BMPR1A: variants seen among roughly 807,000 people sequenced by gnomAD.
BMPR1A encodes bone morphogenetic protein receptor type-1A.
Under a neutral mutation model 66.0 loss-of-function variants are expected in BMPR1A, and 7 were observed. The observed-to-expected ratio is 0.11, with a 90% confidence interval of 0.06 to 0.20. The LOEUF (loss-of-function observed/expected upper bound fraction) is 0.20, where lower values mean the gene tolerates loss of function less well. Ranked by LOEUF, BMPR1A falls within the 10% of genes least tolerant of loss-of-function variation. The pLI is 1.00. For synonymous variants in BMPR1A, 200 were observed against 229.7 expected (o/e 0.87, Z 1.17); for missense variants, 408 against 669.1 (o/e 0.61, Z 4.31).
At chr10:86,894,354 C>A (rs1564716172) in intron 5 of BMPR1A, among the ~76,000 whole-genome samples, 1 of 152,266 alleles carries the variant, frequency 6.6e-6, no homozygotes, top group Non-Finnish European at 1.5e-5. Flanking sequence ...ACAGTTGTTA[C>A]ATACTTGTCT....
intron 1 of BMPR1A, among the ~76,000 whole-genome samples, chr10:86,827,017 A>G (rs1434969507): frequency 6.6e-6 from 1 of 152,058 alleles, no homozygotes; most frequent in Non-Finnish European, 1.5e-5. Context: ...TATAATGTAT[A>G]TATCCATTTT....
intron 5 of BMPR1A, among the ~76,000 whole-genome samples, chr10:86,895,272 C>G (rs1304998735): frequency 2.0e-5 from 3 of 152,082 alleles, no homozygotes; most frequent in African/African-American, 7.2e-5. Context: ...GCACGGTGGC[C>G]CCAGCCTGTA....
At chr10:86,905,366 C>T (rs1843370819) in intron 7 of BMPR1A, among the ~76,000 whole-genome samples, 1 of 152,206 alleles carries the variant, frequency 6.6e-6, no homozygotes. Context: ...GCCCCCATAA[C>T]ACTTACTAAT....
intron 1 of BMPR1A, among the ~76,000 whole-genome samples, chr10:86,791,748 C>G (rs1422586325): frequency 2.3e-5 from 3 of 129,724 alleles, no homozygotes; most frequent in Non-Finnish European, 3.2e-5. Flanking sequence ...CTCCCTCCCT[C>G]TTGCTCTGTT....
At chr10:86,928,851 A>G, downstream of BMPR1A, 1 of 151,424 alleles carries the variant, frequency 6.6e-6, no homozygotes, top group Non-Finnish European at 1.5e-5. Context: ...ATGCGGTTTC[A>G]CCATGTTGGC....
At chr10:86,854,778 T>C in intron 2 of BMPR1A, 1 of 245,910 alleles carries the variant, frequency 4.1e-6, no homozygotes, top group Non-Finnish European at 8.7e-6. Context: ...ATTTAACTTT[T>C]CAGTTTCTTT....
chr10:86,899,522 C>A (rs1843274883), intron 5 of BMPR1A, among the ~76,000 whole-genome samples: 1 of 152,162 alleles, frequency 6.6e-6, no homozygotes, highest in Non-Finnish European at 1.5e-5. Context: ...ATGTACCAGA[C>A]CAGTTTATGA....
chr10:86,848,836 A>G (rs1293250669), intron 2 of BMPR1A, among the ~76,000 whole-genome samples: 1 of 152,190 alleles, frequency 6.6e-6, no homozygotes, highest in Non-Finnish European at 1.5e-5. Context: ...GGAACCACCT[A>G]TGACAACTGC....
At chr10:86,773,542 G>A (rs1392781728) in intron 1 of BMPR1A, among the ~76,000 whole-genome samples, 2 of 146,064 alleles carry the variant, frequency 1.4e-5, no homozygotes, top group Non-Finnish European at 3.0e-5. Flanking sequence ...GCAGTGAGCC[G>A]AGATCACGCC....
intron 1 of BMPR1A, among the ~76,000 whole-genome samples, chr10:86,787,882 G>GCC (rs34964359): frequency 0.02 from 2,971 of 149,378 alleles, 76 homozygotes; most frequent in African/African-American, 0.055. Flanking sequence ...GGGGAAATCT[G>GCC]CCCCCCCCCA....
chr10:86,873,487 A>G (rs901222627), intron 2 of BMPR1A, among the ~76,000 whole-genome samples: 1 of 151,946 alleles, frequency 6.6e-6, no homozygotes, highest in Non-Finnish European at 1.5e-5. Flanking sequence ...TAAATTAATA[A>G]GTGAAAATTT....
At chr10:86,784,547 G>GT (rs1484116900) in intron 1 of BMPR1A, among the ~76,000 whole-genome samples, 2 of 152,054 alleles carry the variant, frequency 1.3e-5, no homozygotes, top group African/African-American at 4.8e-5. Context: ...TGTTTCTTCA[G>GT]TTTTTTTGGT....
intron 2 of BMPR1A, among the ~76,000 whole-genome samples, chr10:86,862,219 G>A (rs1243476237): frequency 6.6e-6 from 1 of 152,172 alleles, no homozygotes; most frequent in Non-Finnish European, 1.5e-5. Flanking sequence ...CATGGGGATG[G>A]GATTACAGTT....
intron 1 of BMPR1A, among the ~76,000 whole-genome samples, chr10:86,771,958 T>G (rs1463066542): frequency 1.3e-5 from 2 of 151,832 alleles, no homozygotes; most frequent in African/African-American, 4.8e-5. Flanking sequence ...CTTTACTGAT[T>G]TTGTTTTTCC....
chr10:86,837,289 C>T (rs1236879040), intron 1 of BMPR1A, among the ~76,000 whole-genome samples: 1 of 99,628 alleles, frequency 1.0e-5, no homozygotes, highest in Non-Finnish European at 2.1e-5. Context: ...AGGCTGGTCT[C>T]GAACTCCTGA....
At chr10:86,810,521 A>G (rs1174108332) in intron 1 of BMPR1A, among the ~76,000 whole-genome samples, 1 of 152,246 alleles carries the variant, frequency 6.6e-6, no homozygotes, top group African/African-American at 2.4e-5. Context: ...TGCACCATTT[A>G]CAGCCCTGCC....
At chr10:86,878,854 A>G (rs971469905) in intron 3 of BMPR1A, among the ~76,000 whole-genome samples, 1 of 152,204 alleles carries the variant, frequency 6.6e-6, no homozygotes, top group African/African-American at 2.4e-5. Flanking sequence ...TCCCCCAAAC[A>G]AAATCAGAGT....
At chr10:86,840,985 C>G (rs1842418406) in intron 2 of BMPR1A, among the ~76,000 whole-genome samples, 1 of 152,200 alleles carries the variant, frequency 6.6e-6, no homozygotes. Flanking sequence ...CTTCATTTTA[C>G]ATGTTGCTGC....
intron 2 of BMPR1A, among the ~76,000 whole-genome samples, chr10:86,861,810 C>G (rs1339517616): frequency 6.6e-6 from 1 of 152,208 alleles, no homozygotes; most frequent in Non-Finnish European, 1.5e-5. Flanking sequence ...GATCTTGACA[C>G]AAGTCAGGGA....
Sources: allele counts gnomAD v4.1 joint callset (sites outside exome capture counted in the v4.1 genomes callset), GRCh38; gene constraint gnomAD v4.1.1; transcripts MANE v1.5; gene names NCBI Gene and HGNC (gene_info 2026-07-23, HGNC 2026-07-21).